Variants in KLHL5 observed in about 807,000 individuals in gnomAD.
KLHL5 encodes the protein kelch like family member 5.
In KLHL5, 48 loss-of-function variants were observed where a neutral mutation model predicts 77.7. The observed-to-expected ratio is 0.62, with a 90% CI of 0.49 to 0.79. KLHL5 has a LOEUF of 0.79. KLHL5 is among the 30% of genes least tolerant of loss of function. The probability of loss-of-function intolerance (pLI) is 0.00; values close to 1 mark genes in which losing one functional copy is unlikely to be tolerated. For missense variants in KLHL5, 723 were observed against 859.7 expected (o/e 0.84, Z 1.99); for synonymous variants, 260 against 297.0 (o/e 0.88, Z 1.28).
Position 39,124,020 on chromosome 4 carries a change from T to C in KLHL5, c.*2954T>C, listed in dbSNP as rs1723376319. Among the ~76,000 whole-genome samples, 1 of 152,036 alleles carries C rather than the reference T, an allele frequency of 6.6e-6. No individual in the cohort carries two copies. Among genetic ancestry groups the C allele is most frequent in the Non-Finnish European group, 1.5e-5 (1 of 67,980 alleles). The stretch of plus-strand genomic sequence containing the variant: ...GTTGCAAGATCAACACACAAAAGTC[T>C]AAGAAAAACCTGAGGGGAAATTAAA... On this transcript the variant is annotated 3_prime_UTR_variant, in exon 11 of 11. Transcript: ENST00000504108.
At chr4:39,054,795 A>C (rs567677059) in intron 1 of KLHL5, among the ~76,000 whole-genome samples, 1 of 152,212 alleles carries the variant, frequency 6.6e-6, no homozygotes, top group Non-Finnish European at 1.5e-5. Flanking sequence ...TGTAAAATGT[A>C]CTTACTGATA....
intron 1 of KLHL5, chr4:39,063,518 T>C: frequency 2.3e-6 from 1 of 426,190 alleles, no homozygotes; most frequent in Non-Finnish European, 4.8e-6. Context: ...ACAATTGTAG[T>C]TGTCAATAAT....
At position 39,124,932 on chromosome 4, in the gene KLHL5, A is replaced by G. The variant is rs1723443798; in HGVS notation, c.*3866A>G. Among the ~76,000 whole-genome samples, 1 of 152,124 alleles carries G rather than the reference A, an allele frequency of 6.6e-6. No individual in the cohort carries two copies. The highest frequency in any genetic ancestry group is 1.5e-5 in the Non-Finnish European group (1 of 68,010). On this transcript the variant is annotated 3_prime_UTR_variant, in exon 11 of 11. Coordinates refer to ENST00000504108, the MANE Select transcript of KLHL5 (RefSeq NM_015990.5). ...GTAAATCTTACATATCTGGTAAGGA[A>G]CTAATACCTAGAATATATAAGGAAC... is the stretch of plus-strand genomic sequence containing the variant.
chr4:39,134,298 T>G, the KLHL5 span, among the ~76,000 whole-genome samples: 1 of 152,362 alleles, frequency 6.6e-6, no homozygotes, highest in East Asian at 1.9e-4. Context: ...TTTGATTATT[T>G]TAACATAGGG....
chr4:39,120,850 T>A (rs1272303480), intron 10 of KLHL5, among the ~76,000 whole-genome samples, 160 bp from the exon 11 acceptor site: 1 of 152,248 alleles, frequency 6.6e-6, no homozygotes, highest in Non-Finnish European at 1.5e-5. Context: ...AAGGTGGCTC[T>A]TGGGAAGGGG....
At chr4:39,069,362 A>C (rs1293745420) in intron 1 of KLHL5, among the ~76,000 whole-genome samples, 1 of 151,140 alleles carries the variant, frequency 6.6e-6, no homozygotes, top group Non-Finnish European at 1.5e-5. Flanking sequence ...GGAAGTGAAG[A>C]TGGCTGAATA....
intron 10 of KLHL5, 117 bp downstream of exon 10, chr4:39,115,447 A>G (rs1722768671): frequency 6.5e-7 from 1 of 1,541,948 alleles, no homozygotes; most frequent in Non-Finnish European, 8.7e-7. Context: ...AAATATGACA[A>G]TCACGTTTTG....
At chr4:39,102,871 A>G (rs1293465922) in intron 6 of KLHL5, among the ~76,000 whole-genome samples, 4 of 152,220 alleles carry the variant, frequency 2.6e-5, no homozygotes, top group Non-Finnish European at 5.9e-5. Flanking sequence ...TGAAGTCATC[A>G]GTGACCTCTG....
chr4:39,119,690 C>T (rs1723080233), intron 10 of KLHL5, among the ~76,000 whole-genome samples: 1 of 152,190 alleles, frequency 6.6e-6, no homozygotes, highest in Admixed American at 6.5e-5. Flanking sequence ...TCCTAAGCCA[C>T]TACCCACCTC....
At chr4:39,080,650 A>G (rs926019647) in intron 2 of KLHL5, among the ~76,000 whole-genome samples, 2 of 151,984 alleles carry the variant, frequency 1.3e-5, no homozygotes, top group Non-Finnish European at 2.9e-5. Flanking sequence ...ATTTTAAAAC[A>G]AAATGCAGAC....
chr4:39,073,286 G>A (rs1718664794), intron 1 of KLHL5, among the ~76,000 whole-genome samples: 1 of 152,136 alleles, frequency 6.6e-6, no homozygotes, highest in Non-Finnish European at 1.5e-5. Flanking sequence ...AACATCAGAA[G>A]TAGCCTATAA....
Position 39,122,023 on chromosome 4 carries a change from A to C in KLHL5, c.*957A>C, listed in dbSNP as rs1723237644. The C allele has an allele frequency of 6.6e-6, 1 of 152,616 alleles. No homozygotes were observed. The highest frequency in any genetic ancestry group is 2.1e-4 in the South Asian group (1 of 4,832). 9.5% of individuals were successfully genotyped at this position (152,616 alleles called of 1,614,324 possible). On this transcript the variant is annotated 3_prime_UTR_variant, in exon 11 of 11. Coordinates refer to ENST00000504108, the MANE Select transcript of KLHL5 (RefSeq NM_015990.5). ...CCATTGTGCTTCTTTGTAATCAAAC[A>C]GTTTGTGGGAGAATGGGCTTATTGA... is the stretch of plus-strand genomic sequence containing the variant.
chr4:39,110,633 T>TA (rs1206436313), intron 8 of KLHL5, among the ~76,000 whole-genome samples: 3 of 151,980 alleles, frequency 2.0e-5, no homozygotes, highest in Non-Finnish European at 4.4e-5. Flanking sequence ...TGGCTAATTT[T>TA]AAAAAAAATT....
upstream of KLHL5, among the ~76,000 whole-genome samples, chr4:39,057,585 C>A (rs746266710): frequency 1.3e-5 from 2 of 151,958 alleles, no homozygotes; most frequent in Non-Finnish European, 2.9e-5. Flanking sequence ...TTCTGATAGA[C>A]CTAATTTGAC....
chr4:39,097,708 A>G (rs1166594435), intron 6 of KLHL5, among the ~76,000 whole-genome samples: 45 of 152,348 alleles, frequency 3.0e-4, no homozygotes, highest in Non-Finnish European at 5.9e-5. Context: ...TCCAGATTAT[A>G]GGAGACTAAA....
At chr4:39,088,342 T>C (rs1379233218) in intron 5 of KLHL5, among the ~76,000 whole-genome samples, 1 of 152,234 alleles carries the variant, frequency 6.6e-6, no homozygotes, top group Non-Finnish European at 1.5e-5. Context: ...CGAACACCTG[T>C]TGTACAAATG....
At chr4:39,126,276 TAAAA>T (rs1010190201), downstream of KLHL5, among the ~76,000 whole-genome samples, 1 of 152,022 alleles carries the variant, frequency 6.6e-6, no homozygotes, top group African/African-American at 2.4e-5. Flanking sequence ...TTAACTGGAG[TAAAA>T]AAAATCAAAT....
At chr4:39,067,639 C>T (rs528224477) in intron 1 of KLHL5, among the ~76,000 whole-genome samples, 11 of 150,250 alleles carry the variant, frequency 7.3e-5, no homozygotes, top group African/African-American at 1.7e-4. Context: ...AGCTTGGCTA[C>T]ATTACAAGTA....
rs868780591 is a variant in KLHL5, at chr4:39,109,449, C to T, written c.1688+1718C>T. Among the ~76,000 whole-genome samples, 9 of 151,910 alleles carry T rather than the reference C, an allele frequency of 5.9e-5. No homozygotes were observed. In the South Asian group the frequency reaches 1.2e-3, roughly 21 times the overall value. Reference sequence around the variant, plus strand: ...AAGTAGCTGGGACTACAGGTGTGCACTACCATGTCCAGCTAATTTTTGTAT... The same window carrying T: ...AAGTAGCTGGGACTACAGGTGTGCATTACCATGTCCAGCTAATTTTTGTAT... On this transcript the variant is annotated intron_variant, in intron 8 of 10. Transcript: ENST00000504108.
Sources: allele counts gnomAD v4.1 joint callset (sites outside exome capture counted in the v4.1 genomes callset), GRCh38; gene constraint gnomAD v4.1.1; transcripts MANE v1.5; gene names NCBI Gene and HGNC (gene_info 2026-07-23, HGNC 2026-07-21).